The following PAPLN variants were observed in gnomAD, a reference collection of about 807,000 sequenced individuals.
The protein encoded by PAPLN is papilin, proteoglycan like sulfated glycoprotein, also known as papilin.
PAPLN carries 146 observed loss-of-function variants against 159.0 expected under a neutral mutation model. The observed-to-expected ratio is 0.92, with a 90% confidence interval of 0.80 to 1.05. PAPLN has a LOEUF of 1.05. PAPLN is among the 50% of genes least tolerant of loss of function. The pLI is 0.00. For synonymous variants in PAPLN, 734 were observed against 702.9 expected, an observed-to-expected ratio of 1.04 and a Z score of -0.70; for missense variants, 1,720 against 1,743.9, an observed-to-expected ratio of 0.99 and a Z score of 0.24.
rs199905623 is a variant in PAPLN at position 73,266,595 on chromosome 14, C to T, written c.3358C>T (p.Arg1120Ter). 1.4e-5 allele frequency: 23 copies of T among 1,614,144 alleles called. No homozygotes were observed. The highest frequency in any genetic ancestry group is 1.7e-5 in the Non-Finnish European group (20 of 1,180,020). The change falls in exon 24 of 27, where the codon CGA becomes TGA. Residue 1120 changes from arginine to a stop codon, truncating the protein, a stop_gained. Transcript: ENST00000644200. LOFTEE classifies it high-confidence loss of function. ...CTGTGTCGCTTTCAATGGGCAGGACCGAGACCAGCGATGGGTCCAGCTCAG... is the reference window on the plus strand; with the variant it reads ...CTGTGTCGCTTTCAATGGGCAGGACTGAGACCAGCGATGGGTCCAGCTCAG... ...YTCVAFNGQD[R>*]DQRWVQLRVL...
rs1594835550 is a variant in PAPLN, at chr14:73,268,616, T to G, written c.3560T>G (p.Leu1187Arg). ...HRVHQSPDGTLLIYNLRARDE... is the reference protein window; with the variant it reads ...HRVHQSPDGTRLIYNLRARDE... ...GTCCACCAGTCCCCAGATGGCACGC[T>G]GCTCATTTACAACTTGCGGGCCAGG... is the stretch of plus-strand genomic sequence containing the variant. Residue 1187 changes from leucine to arginine, a missense_variant, in exon 26 of 27, where the codon CTG becomes CGG. By Grantham distance (102) the Leu-to-Arg change is moderately radical (BLOSUM62 -2). Coordinates refer to ENST00000644200, the MANE Select transcript of PAPLN (RefSeq NM_001365906.3). 3 of 1,614,078 alleles carry G rather than the reference T, an allele frequency of 1.9e-6. No individual in the cohort carries two copies. The highest frequency in any genetic ancestry group is 2.5e-6 in the Non-Finnish European group (3 of 1,179,976).
At chr14:73,251,063 G>A (rs747118294) in intron 7 of PAPLN, 33 bp downstream of exon 7, 1 of 1,592,678 alleles carries the variant, frequency 6.3e-7, no homozygotes, top group East Asian at 2.2e-5. Flanking sequence ...GCAGTTGCCT[G>A]CCCCCTTCCT....
In PAPLN at chr14:73,263,659, G is replaced by C; in HGVS notation, c.2738G>C (p.Gly913Ala). The change falls in exon 20 of 27, where the codon GGT (glycine) becomes GCT (alanine). Residue 913 changes from glycine (G) to alanine (A), a missense_variant. Physicochemically the swap from Gly to Ala is moderately conservative, Grantham distance 60. Coordinates refer to ENST00000644200, the MANE Select transcript of PAPLN (RefSeq NM_001365906.3). Reference sequence around the variant, plus strand: ...CACCTCTCCAGGATTAGCTTGGCAGGTGTGGAGCCCTCGTTGGTGCAGGCA... The same window carrying C: ...CACCTCTCCAGGATTAGCTTGGCAGCTGTGGAGCCCTCGTTGGTGCAGGCA... ...HSSSYRISLA[G>A]VEPSLVQAAL... 1 of 1,613,788 alleles carries C rather than the reference G, an allele frequency of 6.2e-7. No homozygotes were observed. Among genetic ancestry groups the C allele is most frequent in the Non-Finnish European group, 8.5e-7 (1 of 1,180,016 alleles).
chr14:73,246,091 C>T lies in PAPLN; in HGVS notation c.250C>T (p.Arg84Trp), dbSNP rs565299826. 2.1e-5 allele frequency: 33 copies of T among 1,571,124 alleles called. No individual in the cohort carries two copies. The East Asian group carries it at 7.1e-4, about 34-fold the overall frequency. Residue 84 changes from arginine to tryptophan, a missense_variant, in exon 5 of 27, where the codon CGG becomes TGG. Coordinates refer to ENST00000644200, the MANE Select transcript of PAPLN (RefSeq NM_001365906.3). ...CRTESCPDGA[R>W]DFRAEQCAEF... The stretch of plus-strand genomic sequence containing the variant: ...CCCGCAGAGCTGCCCCGACGGCGCC[C>T]GGGACTTCCGGGCCGAGCAGTGCGC...
intron 14 of PAPLN, among the ~76,000 whole-genome samples, chr14:73,256,620 G>A (rs1885947435): frequency 6.6e-6 from 1 of 151,806 alleles, no homozygotes; most frequent in Non-Finnish European, 1.5e-5. Flanking sequence ...TATCCCTGGG[G>A]GCTGGATGCA....
Position 73,246,108 on chromosome 14 carries a change from G to C in PAPLN, c.267G>C (p.Glu89Asp), listed in dbSNP as rs1243457234. ...ACGGCGCCCGGGACTTCCGGGCCGA[G>C]CAGTGCGCGGAGTTCGACGGAGCGG... is the stretch of plus-strand genomic sequence containing the variant. ...CPDGARDFRA[E>D]QCAEFDGAEF... The change falls in exon 5 of 27, where the codon GAG becomes GAC. Residue 89 changes from glutamate to aspartate, a missense_variant. Glu to Asp is a conservative substitution (Grantham distance 45). Transcript: ENST00000644200. 2 of 1,588,484 alleles carry C rather than the reference G, an allele frequency of 1.3e-6. No homozygotes were observed. The highest frequency in any genetic ancestry group is 1.7e-6 in the Non-Finnish European group (2 of 1,169,814).
chr14:73,264,051 G>A (rs1205184201), intron 20 of PAPLN, 160 bp from the exon 21 acceptor site: 1 of 1,538,492 alleles, frequency 6.5e-7, no homozygotes, highest in East Asian at 2.5e-5. Flanking sequence ...ACAGGTGTGT[G>A]TGACAGCCTC....
chr14:73,265,321 CG>C lies in PAPLN; in HGVS notation c.3126-44del. On this transcript the variant is annotated intron_variant, in intron 22 of 26. Coordinates refer to ENST00000644200, the MANE Select transcript of PAPLN (RefSeq NM_001365906.3). This position sits in a 1 kb window ranked among gnomAD's most constrained non-coding sequence, Gnocchi z 4.1. ...GTGCAGAGGTGCCCATGGGAGTAGG[CG>C]GGGGCAACGGCAAGGGCCCCTCATG... is the stretch of plus-strand genomic sequence containing the variant. 1.3e-6 allele frequency: 2 copies of C among 1,586,386 alleles called. No individual in the cohort carries two copies. Among genetic ancestry groups the C allele is most frequent in the Non-Finnish European group, 8.5e-7 (1 of 1,170,308 alleles).
chr14:73,238,050 G>A (rs978030986), intron 1 of PAPLN, among the ~76,000 whole-genome samples: 1 of 152,176 alleles, frequency 6.6e-6, no homozygotes, highest in South Asian at 2.1e-4. Flanking sequence ...CGCCTCGGGG[G>A]TGCGCGGCGC....
intron 5 of PAPLN, 191 bp from the exon 6 acceptor site, chr14:73,249,793 T>A: frequency 9.2e-6 from 4 of 434,838 alleles, no homozygotes; most frequent in Non-Finnish European, 1.5e-5. Flanking sequence ...TTCTTCGACT[T>A]GATCCTTAGA....
chr14:73,254,265 C>A (rs1885631839), intron 12 of PAPLN, among the ~76,000 whole-genome samples: 1 of 152,162 alleles, frequency 6.6e-6, no homozygotes, highest in Non-Finnish European at 1.5e-5. Context: ...TTGCTTCTAG[C>A]ACCTACGTAT....
chr14:73,238,166 C>A (rs1194556758), intron 1 of PAPLN, among the ~76,000 whole-genome samples: 3 of 152,212 alleles, frequency 2.0e-5, no homozygotes, highest in African/African-American at 7.2e-5. Context: ...GCGGCGGTCC[C>A]GGAGTCGGCT....
chr14:73,244,867 C>CA lies in PAPLN; in HGVS notation c.170+109dup. On this transcript the variant is annotated intron_variant, in intron 3 of 26. Transcript: ENST00000644200. ...CCTAGGCTAGCACTGGCCACATCAG[C>CA]AGAACCCACCAAGGAGCAGATTCAT... The CA allele has an allele frequency of 5.1e-6, 4 of 788,780 alleles. No homozygotes were observed. The South Asian group carries it at 7.4e-5, about 15-fold the overall frequency. 48.9% of individuals were successfully genotyped at this position (788,780 alleles called of 1,614,324 possible). A position where few individuals can be genotyped will look rare whatever the true frequency, so the allele number is the denominator to read the frequency against.
intron 15 of PAPLN, 35 bp from the exon 16 acceptor site, chr14:73,259,233 TG>T: frequency 1.3e-6 from 2 of 1,530,840 alleles, no homozygotes; most frequent in South Asian, 1.3e-5. Flanking sequence ...AGGAGCCAGG[TG>T]GACGCACTGT....
In PAPLN at chr14:73,253,932, G is replaced by T; in HGVS notation, c.1273G>T (p.Ala425Ser). ...AIQACNLQRCAAWSPEPWGEC... is the reference protein window; with the variant it reads ...AIQACNLQRCSAWSPEPWGEC... Reference sequence around the variant, plus strand: ...TCAGGCCTGTAACCTGCAGCGCTGTGCAGCCTGGAGCCCGGAGCCCTGGGG... The same window carrying T: ...TCAGGCCTGTAACCTGCAGCGCTGTTCAGCCTGGAGCCCGGAGCCCTGGGG... Residue 425 changes from alanine to serine, a missense_variant, in exon 12 of 27, where the codon GCA (alanine) becomes TCA (serine). Coordinates refer to ENST00000644200, the MANE Select transcript of PAPLN (RefSeq NM_001365906.3). 1 of 1,612,536 alleles carries T rather than the reference G, an allele frequency of 6.2e-7. No individual in the cohort carries two copies. The highest frequency in any genetic ancestry group is 1.3e-5 in the African/African-American group (1 of 75,042).
At position 73,264,683 on chromosome 14, in the gene PAPLN, C is replaced by A. The variant is rs779815868; in HGVS notation, c.3082C>A (p.Pro1028Thr). ...CTTTGGCCAAGCGGGGGCTGCTGGG[C>A]CCCTGGGGGCCATCCCCTCTTCACA... ...QDFGQAGAAG[P>T]LGAIPSSHPQ... Residue 1028 changes from proline to threonine, a missense_variant, in exon 22 of 27, where the codon CCC becomes ACC. Coordinates refer to ENST00000644200, the MANE Select transcript of PAPLN (RefSeq NM_001365906.3). 1.2e-6 allele frequency: 2 copies of A among 1,611,646 alleles called. No individual in the cohort carries two copies. The highest frequency in any genetic ancestry group is 2.2e-5 in the East Asian group (1 of 44,846).
chr14:73,271,503 A>ATTTT (rs57834403), intron 26 of PAPLN, among the ~76,000 whole-genome samples: 1 of 143,762 alleles, frequency 7.0e-6, no homozygotes, highest in African/African-American at 2.5e-5. Flanking sequence ...GTAGAATGAA[A>ATTTT]TTTTTTTTTT....
At chr14:73,264,000 CCT>C (rs1200906191) in intron 20 of PAPLN, 2 of 1,496,544 alleles carry the variant, frequency 1.3e-6, no homozygotes, top group Non-Finnish European at 1.8e-6. Flanking sequence ...CCCCCGACCT[CCT>C]CTGACAGGTT....
At chr14:73,252,853 T>G in intron 11 of PAPLN, 78 bp downstream of exon 11, 1 of 1,583,134 alleles carries the variant, frequency 6.3e-7, no homozygotes, top group East Asian at 2.2e-5. Context: ...TCCAAGCTGC[T>G]TTAGGTGTAG....
Sources: allele counts gnomAD v4.1 joint callset (sites outside exome capture counted in the v4.1 genomes callset), GRCh38; gene constraint gnomAD v4.1.1; non-coding constraint Gnocchi (gnomAD v3.1); transcripts MANE v1.5; gene names NCBI Gene and HGNC (gene_info 2026-07-23, HGNC 2026-07-21).